The following PDZRN3 variants were observed in gnomAD, a reference collection of about 807,000 sequenced individuals.
The protein encoded by PDZRN3 is PDZ domain containing ring finger 3.
In PDZRN3, 38 loss-of-function variants were observed where a neutral mutation model predicts 85.7. That is an observed-to-expected ratio of 0.44 (90% CI 0.34 to 0.58). PDZRN3 has a LOEUF of 0.58. PDZRN3 is among the 20% of genes least tolerant of loss of function. The pLI is 0.01. For missense variants in PDZRN3, 1,629 were observed against 1,506.4 expected (o/e 1.08, Z -1.35); for synonymous variants, 759 against 638.0 (o/e 1.19, Z -2.86).
chr3:73,387,127 A>ATGAT (rs1576020281), intron 8 of PDZRN3, among the ~76,000 whole-genome samples: 1 of 152,132 alleles, frequency 6.6e-6, no homozygotes, highest in African/African-American at 2.4e-5. Context: ...GCCTTCCACC[A>ATGAT]TGATTGTGAG....
At chr3:73,491,412 T>C (rs1703768051) in intron 3 of PDZRN3, among the ~76,000 whole-genome samples, 1 of 152,128 alleles carries the variant, frequency 6.6e-6, no homozygotes, top group African/African-American at 2.4e-5. Flanking sequence ...ACCTGCTTCT[T>C]GGAGCCCATT....
chr3:73,425,845 G>A (rs540643239), intron 3 of PDZRN3, among the ~76,000 whole-genome samples: 3 of 152,276 alleles, frequency 2.0e-5, no homozygotes, highest in East Asian at 1.9e-4. Flanking sequence ...CCCAGATGTG[G>A]TGTCTATAAA....
chr3:73,384,820 C>G lies in PDZRN3; in HGVS notation c.1746G>C (p.Glu582Asp). 6.2e-7 allele frequency: 1 copy of G among 1,614,154 alleles called. No individual in the cohort carries two copies. The highest frequency in any genetic ancestry group is 8.5e-7 in the Non-Finnish European group (1 of 1,180,042). Reference sequence around the variant, plus strand: ...CGCCATTGTTCTCTTGCTCCGAGCTCTCGTCATTACGGGTGCTCTCGTCGG... The same window carrying G: ...CGCCATTGTTCTCTTGCTCCGAGCTGTCGTCATTACGGGTGCTCTCGTCGG... Reference protein sequence around the residue: ...GRTDESTRNDESSEQENNGDD... With the variant: ...GRTDESTRNDDSSEQENNGDD... Residue 582 changes from glutamate (E) to aspartate (D), a missense_variant, in exon 10 of 10, where the codon GAG (glutamate) becomes GAC (aspartate). Transcript: ENST00000263666.
At chr3:73,619,838 A>G (rs1702825820) in intron 1 of PDZRN3, among the ~76,000 whole-genome samples, 1 of 152,242 alleles carries the variant, frequency 6.6e-6, no homozygotes, top group African/African-American at 2.4e-5. Flanking sequence ...TAAGAGATTA[A>G]TTCCTGATGC....
At chr3:73,547,117 C>T (rs561368202) in intron 3 of PDZRN3, among the ~76,000 whole-genome samples, 1 of 152,256 alleles carries the variant, frequency 6.6e-6, no homozygotes, top group South Asian at 2.1e-4. Context: ...GTAAGGAATA[C>T]TAAGCTCTTG....
intron 1 of PDZRN3, chr3:73,623,891 T>C (rs774390119): frequency 4.9e-5 from 21 of 429,562 alleles, no homozygotes; most frequent in Non-Finnish European, 6.9e-5. Context: ...ACTTTACCGG[T>C]TACGTCTAGA....
intron 3 of PDZRN3, among the ~76,000 whole-genome samples, chr3:73,517,946 T>C (rs889398892): frequency 6.6e-6 from 1 of 152,196 alleles, no homozygotes; most frequent in South Asian, 2.1e-4. Flanking sequence ...GAAAAGAGTA[T>C]GGCCATCCTC....
intron 5 of PDZRN3, among the ~76,000 whole-genome samples, chr3:73,396,442 C>A (rs1461811326): frequency 2.0e-5 from 3 of 152,148 alleles, no homozygotes; most frequent in Non-Finnish European, 4.4e-5. Flanking sequence ...CCACTTCAAT[C>A]CAGGATGGGG....
intron 3 of PDZRN3, among the ~76,000 whole-genome samples, chr3:73,470,791 G>A (rs757257582): frequency 7.2e-5 from 11 of 152,116 alleles, no homozygotes; most frequent in African/African-American, 2.4e-4. Context: ...CAATCATTCC[G>A]ACCAACTAGT....
chr3:73,515,398 G>C (rs1041091980), intron 3 of PDZRN3, among the ~76,000 whole-genome samples: 11 of 151,934 alleles, frequency 7.2e-5, no homozygotes, highest in African/African-American at 2.4e-4. Flanking sequence ...GGATGGTCTC[G>C]ATCTCCTGAC....
chr3:73,427,830 T>C (rs1381125084), intron 3 of PDZRN3, among the ~76,000 whole-genome samples: 2 of 152,172 alleles, frequency 1.3e-5, no homozygotes, highest in Admixed American at 6.5e-5. Context: ...AGTCCCTACC[T>C]TCATGGGGCT....
chr3:73,552,436 C>A (rs1267978520), intron 3 of PDZRN3, among the ~76,000 whole-genome samples: 1 of 151,666 alleles, frequency 6.6e-6, no homozygotes, highest in African/African-American at 2.4e-5. Context: ...GGAGTTTACA[C>A]AATTATCTCA....
chr3:73,565,253 C>A (rs1217450614), intron 3 of PDZRN3, among the ~76,000 whole-genome samples: 1 of 151,678 alleles, frequency 6.6e-6, no homozygotes, highest in Non-Finnish European at 1.5e-5. Context: ...CTCAGCCTCC[C>A]AAGTAGCTGG....
At chr3:73,441,571 C>A (rs35268823) in intron 3 of PDZRN3, among the ~76,000 whole-genome samples, 1 of 152,002 alleles carries the variant, frequency 6.6e-6, no homozygotes, top group South Asian at 2.1e-4. Flanking sequence ...ACGGTCAGGA[C>A]GAAGTATTTC....
Position 73,385,023 on chromosome 3 carries a change from A to G in PDZRN3, c.1636-93T>C, listed in dbSNP as rs552339946. 163 of 1,439,158 alleles carry G rather than the reference A, an allele frequency of 1.1e-4. 1 individual carries two copies. In the South Asian group the frequency reaches 2.0e-3, roughly 18 times the overall value. The allele number at this position is 1,439,158 out of a possible 1,614,324, so 89.1% of individuals were successfully genotyped here. ...TTTCCTTGCGGTTTCTGGATAGGGC[A>G]GGCTGTACATTTCTAAGGCCAAGGG... On this transcript the variant is annotated intron_variant, in intron 9 of 9. Transcript: ENST00000263666.
In PDZRN3 at chr3:73,531,252, A is replaced by G. The variant is rs952120019; in HGVS notation, c.918+71102T>C. Among the ~76,000 whole-genome samples the G allele has an allele frequency of 2.3e-5, 3 of 130,926 alleles. No individual in the cohort carries two copies. The East Asian group carries it at 6.0e-4, about 26-fold the overall frequency. The allele number at this position is 130,926 out of a possible 152,430, so 85.9% of individuals were successfully genotyped here. A position where few individuals can be genotyped will look rare whatever the true frequency, so the allele number is the denominator to read the frequency against. ...GGTGACAGAGCGAGACTTCGTCTCA[A>G]AAAAAAAAAAAAAAAAAAAAAGGAG... On this transcript the variant is annotated intron_variant, in intron 3 of 9. Transcript: ENST00000263666.
chr3:73,623,597 C>G (rs552458890), intron 1 of PDZRN3: 1 of 152,452 alleles, frequency 6.6e-6, no homozygotes, highest in Admixed American at 6.5e-5. Flanking sequence ...TCCTTCTTAA[C>G]TTAATCTACA....
At chr3:73,616,016 G>T (rs935728500) in intron 1 of PDZRN3, among the ~76,000 whole-genome samples, 1 of 152,188 alleles carries the variant, frequency 6.6e-6, no homozygotes, top group African/African-American at 2.4e-5. Context: ...GCTGTCCCAG[G>T]GTGGTGGTGG....
intron 3 of PDZRN3, among the ~76,000 whole-genome samples, chr3:73,458,497 G>A (rs891683773): frequency 6.7e-6 from 1 of 149,440 alleles, no homozygotes; most frequent in Non-Finnish European, 1.5e-5. Context: ...TTTCTCCAAC[G>A]TTTATGCTTA....
Sources: allele counts gnomAD v4.1 joint callset (sites outside exome capture counted in the v4.1 genomes callset), GRCh38; gene constraint gnomAD v4.1.1; transcripts MANE v1.5; gene names NCBI Gene and HGNC (gene_info 2026-07-23, HGNC 2026-07-21).